Variants in DLGAP2 observed in about 807,000 individuals in gnomAD.
The protein encoded by DLGAP2 is disks large-associated protein 2.
Under a neutral mutation model 100.3 loss-of-function variants are expected in DLGAP2, and 26 were observed. That is an observed-to-expected ratio of 0.26 (90% CI 0.19 to 0.36). DLGAP2 has a LOEUF of 0.36. Ranked by LOEUF, DLGAP2 falls within the 10% of genes least tolerant of loss-of-function variation. The probability of loss-of-function intolerance (pLI) is 1.00; values close to 1 mark genes in which losing one functional copy is unlikely to be tolerated. For synonymous variants in DLGAP2, 886 were observed against 630.1 expected (o/e 1.41, Z -6.08); for missense variants, 1,858 against 1,453.2 (o/e 1.28, Z -4.53).
intron 2 of DLGAP2, among the ~76,000 whole-genome samples, chr8:1,192,622 G>A (rs538958240): frequency 4.3e-4 from 64 of 148,310 alleles, no homozygotes; most frequent in Non-Finnish European, 6.3e-4. Context: ...CATCATGTCA[G>A]TGAGTGAGCT....
At chr8:1,221,029 A>G (rs1429858771) in intron 2 of DLGAP2, among the ~76,000 whole-genome samples, 1 of 152,178 alleles carries the variant, frequency 6.6e-6, no homozygotes, top group Non-Finnish European at 1.5e-5. Context: ...GACAGCGTAC[A>G]GTTGAGTCTT....
chr8:859,784 G>A (rs569435032), intron 1 of DLGAP2, among the ~76,000 whole-genome samples: 1 of 152,292 alleles, frequency 6.6e-6, no homozygotes, highest in Admixed American at 6.5e-5. Context: ...CAGGAGTGAA[G>A]GGGTTAACTG....
intron 1 of DLGAP2, among the ~76,000 whole-genome samples, chr8:769,076 C>T (rs767523978): frequency 3.5e-4 from 53 of 152,048 alleles, no homozygotes; most frequent in Non-Finnish European, 6.5e-4. Flanking sequence ...GGTGTGGTCC[C>T]GCACAAGCAG....
chr8:1,420,656 C>A (rs1332188731), intron 3 of DLGAP2, among the ~76,000 whole-genome samples: 1 of 152,128 alleles, frequency 6.6e-6, no homozygotes, highest in African/African-American at 2.4e-5. Context: ...TTTGTGCCTC[C>A]GACTGCATTC....
At chr8:858,041 G>A (rs935933813) in intron 1 of DLGAP2, among the ~76,000 whole-genome samples, 10 of 152,170 alleles carry the variant, frequency 6.6e-5, no homozygotes, top group East Asian at 3.9e-4. Flanking sequence ...GGCTAATTTT[G>A]TATTAGGGTT....
At chr8:899,231 C>T (rs895256303) in intron 1 of DLGAP2, among the ~76,000 whole-genome samples, 1 of 152,240 alleles carries the variant, frequency 6.6e-6, no homozygotes, top group African/African-American at 2.4e-5. Context: ...CCTCAGCTGC[C>T]CTACGAGCTG....
At chr8:1,293,175 C>T (rs961596002) in intron 3 of DLGAP2, among the ~76,000 whole-genome samples, 1 of 152,174 alleles carries the variant, frequency 6.6e-6, no homozygotes, top group African/African-American at 2.4e-5. Context: ...CTGTCTCTGT[C>T]TTCCTCTTTC....
At chr8:1,514,784 T>C (rs1246942317) in intron 4 of DLGAP2, among the ~76,000 whole-genome samples, 1 of 152,134 alleles carries the variant, frequency 6.6e-6, no homozygotes, top group Non-Finnish European at 1.5e-5. Flanking sequence ...CTGCTGCATC[T>C]CTCAGCAGGA....
chr8:802,151 GC>G (rs1563039328), intron 1 of DLGAP2, among the ~76,000 whole-genome samples: 1 of 113,680 alleles, frequency 8.8e-6, no homozygotes, highest in East Asian at 2.7e-4. Context: ...GGAATGGTCC[GC>G]ACTCCTCCTG....
chr8:1,541,129 T>C lies in DLGAP2; in HGVS notation c.173-7497T>C, dbSNP rs570761907. On this transcript the variant is annotated intron_variant, in intron 4 of 14. Coordinates refer to ENST00000637795, the MANE Select transcript of DLGAP2 (RefSeq NM_001346810.2). ...TCCAGCCTTGGAAATTTGCGGAGGA[T>C]GTAAACTTTGCCAACTAACCTAGGG... Among the ~76,000 whole-genome samples the C allele has an allele frequency of 8.5e-5, 13 of 152,342 alleles. No homozygotes were observed. The South Asian group carries it at 2.5e-3, about 29-fold the overall frequency.
At chr8:899,951 C>T (rs775936786) in intron 1 of DLGAP2, among the ~76,000 whole-genome samples, 5 of 152,270 alleles carry the variant, frequency 3.3e-5, no homozygotes, top group East Asian at 3.9e-4. Context: ...GCGGGAACAG[C>T]GAGAATCACC....
At chr8:1,381,513 G>A (rs1796094495) in intron 3 of DLGAP2, 1 of 152,198 alleles carries the variant, frequency 6.6e-6, no homozygotes, top group African/African-American at 2.4e-5. Context: ...CAGGCTGGAC[G>A]GTGCAGCCCC....
chr8:782,975 C>T (rs1376855250), intron 1 of DLGAP2, among the ~76,000 whole-genome samples: 7 of 152,178 alleles, frequency 4.6e-5, no homozygotes, highest in East Asian at 1.9e-4. Flanking sequence ...TTAGGATGGA[C>T]GGCTGTGTCT....
At chr8:1,185,565 A>G (rs559123923) in intron 2 of DLGAP2, among the ~76,000 whole-genome samples, 16 of 152,314 alleles carry the variant, frequency 1.1e-4, no homozygotes, top group African/African-American at 3.1e-4. Flanking sequence ...CCTAACATCC[A>G]CTAGTCATTT....
At chr8:792,431 A>G (rs1018889163) in intron 1 of DLGAP2, among the ~76,000 whole-genome samples, 1 of 152,222 alleles carries the variant, frequency 6.6e-6, no homozygotes, top group African/African-American at 2.4e-5. Flanking sequence ...GCTGAATACT[A>G]AAATTGATCC....
At chr8:1,581,893 G>T (rs1320765672) in intron 6 of DLGAP2, among the ~76,000 whole-genome samples, 1 of 149,146 alleles carries the variant, frequency 6.7e-6, no homozygotes, top group South Asian at 2.1e-4. Flanking sequence ...ACTACCAGAA[G>T]TGAAGGATAC....
At position 1,607,580 on chromosome 8, in the gene DLGAP2, C is replaced by T. The variant is rs7002555; in HGVS notation, c.1443-19160C>T. 2.0e-3 allele frequency among the ~76,000 whole-genome samples: 301 copies of T among 152,324 alleles called. 1 individual carries two copies. Among genetic ancestry groups the T allele is most frequent in the African/African-American group, 6.9e-3 (285 of 41,566 alleles). ...ATCCTTTAGAAAATTGACTTCAGAG[C>T]GTGAGCGACGCAGAAGACGGGTGAT... On this transcript the variant is annotated intron_variant, in intron 6 of 14. Coordinates refer to ENST00000637795, the MANE Select transcript of DLGAP2 (RefSeq NM_001346810.2).
intron 3 of DLGAP2, among the ~76,000 whole-genome samples, chr8:1,364,711 TG>T (rs1802069613): frequency 6.6e-6 from 1 of 152,188 alleles, no homozygotes; most frequent in African/African-American, 2.4e-5. Context: ...AAAGCTTGCG[TG>T]GGGGAGACAG....
At chr8:1,081,243 C>G (rs774201855) in intron 2 of DLGAP2, among the ~76,000 whole-genome samples, 7 of 152,210 alleles carry the variant, frequency 4.6e-5, no homozygotes, top group Non-Finnish European at 8.8e-5. Flanking sequence ...TCTATAGGAA[C>G]TACTTACAGG....
Sources: gnomAD v4.1 joint callset for allele counts (sites outside exome capture counted in the v4.1 genomes callset) on GRCh38, gnomAD v4.1.1 for gene constraint, MANE v1.5 for transcripts, NCBI Gene and HGNC (gene_info 2026-07-23, HGNC 2026-07-21) for gene names.